Variants in NFIA observed in about 807,000 individuals in gnomAD.
NFIA encodes nuclear factor I A.
A neutral mutation model predicts 62.8 loss-of-function variants in NFIA; 8 were observed. That is an observed-to-expected ratio of 0.13 (90% CI 0.07 to 0.23). The LOEUF is 0.23. NFIA is among the 10% of genes least tolerant of loss of function. The pLI, the probability that NFIA is intolerant of heterozygous loss-of-function variation, is 1.00. For synonymous variants in NFIA, 235 were observed against 238.1 expected (o/e 0.99, Z 0.12); for missense variants, 410 against 642.1 (o/e 0.64, Z 3.91).
intron 4 of NFIA, among the ~76,000 whole-genome samples, chr1:61,336,428 G>A (rs758460117): frequency 1.1e-4 from 17 of 152,012 alleles, no homozygotes; most frequent in Non-Finnish European, 1.6e-4. Flanking sequence ...CAGAAGTCCC[G>A]TATACCCCTC....
chr1:61,378,250 GT>G (rs1315825970), intron 6 of NFIA, among the ~76,000 whole-genome samples: 1 of 152,086 alleles, frequency 6.6e-6, no homozygotes, highest in African/African-American at 2.4e-5. Flanking sequence ...AAGAATTTGA[GT>G]TTTTTTCCCA....
Position 61,430,422 on chromosome 1 carries a change from C to T in NFIA, c.1512+3866C>T, listed in dbSNP as rs1667050788. Among the ~76,000 whole-genome samples, 3 of 152,214 alleles carry T rather than the reference C, an allele frequency of 2.0e-5. No individual in the cohort carries two copies. In the South Asian group the frequency reaches 6.2e-4, roughly 32 times the overall value. On this transcript the variant is annotated intron_variant, in intron 10 of 10. Transcript: ENST00000403491. ...GTTAACATTTCTGTATAAATCCATCCAGAGTGTTTCTGTGCATACAAATAT... is the reference window on the plus strand; with the variant it reads ...GTTAACATTTCTGTATAAATCCATCTAGAGTGTTTCTGTGCATACAAATAT...
At chr1:61,107,491 G>A (rs9436629) in intron 2 of NFIA, among the ~76,000 whole-genome samples, 1,690 of 151,362 alleles carry the variant, frequency 0.011, 27 homozygotes, top group African/African-American at 0.039. Context: ...AAATGTTTTT[G>A]TCATTTATTC....
intron 2 of NFIA, among the ~76,000 whole-genome samples, chr1:61,192,881 A>C (rs1267948375): frequency 2.0e-5 from 3 of 152,166 alleles, no homozygotes; most frequent in African/African-American, 7.2e-5. Context: ...CATTAGCAAC[A>C]CTCCAAGTAG....
Position 61,088,590 on chromosome 1 carries a change from T to C in NFIA, c.469T>C (p.Ser157Pro). The stretch of plus-strand genomic sequence containing the variant: ...GCGCCTTGTAAAGTCCCCACAATGC[T>C]CTAATCCAGGGCTCTGTGTCCAACC... ...GERLVKSPQC[S>P]NPGLCVQPHH... Residue 157 changes from serine to proline, a missense_variant, in exon 2 of 11, where the codon TCT becomes CCT. Ser to Pro is a moderately conservative substitution (Grantham distance 74). Around this residue, in one of 3 missense-constraint regions of NFIA, gnomAD observed 26 missense variants for 79.4 expected, o/e 0.33. Coordinates refer to ENST00000403491, the MANE Select transcript of NFIA (RefSeq NM_001134673.4). This position sits in a 1 kb window ranked among gnomAD's most constrained non-coding sequence, Gnocchi z 4.5. The C allele has an allele frequency of 1.2e-6, 2 of 1,614,158 alleles. No homozygotes were observed. The highest frequency in any genetic ancestry group is 1.7e-6 in the Non-Finnish European group (2 of 1,180,020).
chr1:61,406,834 TC>T, intron 9 of NFIA, 107 bp downstream of exon 9: 1 of 1,251,964 alleles, frequency 8.0e-7, no homozygotes, highest in Non-Finnish European at 1.1e-6. Flanking sequence ...GAGGCACAGA[TC>T]CCCAGTGATG....
intron 9 of NFIA, among the ~76,000 whole-genome samples, chr1:61,416,300 C>T (rs571182208): frequency 6.6e-6 from 1 of 152,212 alleles, no homozygotes; most frequent in Non-Finnish European, 1.5e-5. Context: ...CTTGTTTATA[C>T]TAAAATGATG....
chr1:61,201,064 G>A (rs1230246270), intron 2 of NFIA, among the ~76,000 whole-genome samples: 2 of 152,260 alleles, frequency 1.3e-5, no homozygotes, highest in Non-Finnish European at 2.9e-5. Context: ...TTTTAAAATA[G>A]AAAATTCTGA....
At chr1:61,376,672 A>G (rs17356741) in intron 6 of NFIA, among the ~76,000 whole-genome samples, 10,640 of 152,210 alleles carry the variant, frequency 0.07, 480 homozygotes, top group Admixed American at 0.11. Flanking sequence ...TGGATAACCA[A>G]ATTTAAAACT....
intron 2 of NFIA, among the ~76,000 whole-genome samples, chr1:61,232,446 A>G (rs1032255211): frequency 3.9e-5 from 6 of 152,234 alleles, no homozygotes; most frequent in Non-Finnish European, 5.9e-5. Context: ...ATGACATGTT[A>G]TAAGTGGTAA....
At chr1:61,161,897 A>G (rs1649237490) in intron 2 of NFIA, among the ~76,000 whole-genome samples, 1 of 152,210 alleles carries the variant, frequency 6.6e-6, no homozygotes, top group Non-Finnish European at 1.5e-5. Context: ...AATATTAGTA[A>G]CAAATGATGG....
At chr1:61,370,493 AAAATT>A (rs1476798857) in intron 6 of NFIA, among the ~76,000 whole-genome samples, 2 of 152,214 alleles carry the variant, frequency 1.3e-5, no homozygotes, top group Non-Finnish European at 2.9e-5. Flanking sequence ...TTAAACTTGA[AAAATT>A]AAACTGAGGT....
At chr1:61,404,343 G>A (rs1665717220) in intron 8 of NFIA, 61 bp downstream of exon 8, 1 of 1,469,326 alleles carries the variant, frequency 6.8e-7, no homozygotes, top group Non-Finnish European at 9.1e-7. Context: ...AAAATAACAA[G>A]GGGAGACCTT....
intron 9 of NFIA, among the ~76,000 whole-genome samples, chr1:61,425,772 T>A (rs1666837486): frequency 6.6e-6 from 1 of 152,226 alleles, no homozygotes; most frequent in East Asian, 1.9e-4. Flanking sequence ...GTGTGGTACC[T>A]GAGGTTCCAG....
chr1:61,250,993 G>A (rs1655996574), intron 2 of NFIA: 1 of 152,148 alleles, frequency 6.6e-6, no homozygotes, highest in Admixed American at 6.5e-5. Context: ...ACAGAAAAAA[G>A]ATGGAGAGCC....
At chr1:61,196,938 T>TGC (rs1425073263) in intron 2 of NFIA, among the ~76,000 whole-genome samples, 11 of 105,198 alleles carry the variant, frequency 1.0e-4, no homozygotes, top group South Asian at 8.9e-4. Flanking sequence ...TGTGTGTGTG[T>TGC]GTGCGCGCGC....
chr1:61,389,001 A>G (rs1664836882), intron 7 of NFIA, among the ~76,000 whole-genome samples: 1 of 151,960 alleles, frequency 6.6e-6, no homozygotes, highest in Non-Finnish European at 1.5e-5. Context: ...GTGGTCCTAG[A>G]TACTCGGGAG....
At chr1:61,100,939 CTT>C (rs57533806) in intron 2 of NFIA, among the ~76,000 whole-genome samples, 15 of 141,998 alleles carry the variant, frequency 1.1e-4, no homozygotes, top group Admixed American at 7.0e-5. Flanking sequence ...GTTAACATTG[CTT>C]TTTTTTTTTT....
chr1:61,100,660 G>A (rs964589214), intron 2 of NFIA, among the ~76,000 whole-genome samples: 9 of 152,030 alleles, frequency 5.9e-5, no homozygotes, highest in African/African-American at 1.7e-4. Context: ...TGGTGCAGTC[G>A]TAGCTCACTG....
Sources: gnomAD v4.1 joint callset for allele counts (sites outside exome capture counted in the v4.1 genomes callset) on GRCh38, gnomAD v4.1.1 for gene constraint, gnomAD v4.1.1 regional missense constraint, Gnocchi (gnomAD v3.1) non-coding constraint, MANE v1.5 for transcripts, NCBI Gene and HGNC (gene_info 2026-07-23, HGNC 2026-07-21) for gene names.